LYPD6B: variants seen among roughly 807,000 people sequenced by gnomAD.
The protein encoded by LYPD6B is ly6/PLAUR domain-containing protein 6B.
LYPD6B carries 17 observed loss-of-function variants against 22.8 expected under a neutral mutation model. The ratio of observed to expected loss-of-function variants is 0.75; its 90% confidence interval spans 0.51 to 1.12. The LOEUF is 1.12. Ranked by LOEUF, LYPD6B falls within the 50% of genes most tolerant of loss-of-function variation. The pLI, the probability that LYPD6B is intolerant of heterozygous loss-of-function variation, is 0.00. For missense variants in LYPD6B, 221 were observed against 258.3 expected (o/e 0.86, Z 0.99); for synonymous variants, 106 against 91.6 (o/e 1.16, Z -0.90).
chr2:149,181,917 G>A (rs545887554), intron 3 of LYPD6B, among the ~76,000 whole-genome samples: 16 of 152,160 alleles, frequency 1.1e-4, no homozygotes, highest in Non-Finnish European at 2.1e-4. Flanking sequence ...GGAAAAGGCA[G>A]CATGGTATGG....
chr2:149,196,609 G>C (rs1007054815), intron 3 of LYPD6B, among the ~76,000 whole-genome samples: 1 of 152,158 alleles, frequency 6.6e-6, no homozygotes, highest in Non-Finnish European at 1.5e-5. Flanking sequence ...GAAGGCAGTT[G>C]AGATTATAGG....
At chr2:149,177,227 A>G (rs1386584031) in intron 3 of LYPD6B, among the ~76,000 whole-genome samples, 3 of 152,198 alleles carry the variant, frequency 2.0e-5, no homozygotes, top group Non-Finnish European at 4.4e-5. Context: ...GAGAGCCTGG[A>G]ACATCCCAAT....
intron 1 of LYPD6B, among the ~76,000 whole-genome samples, chr2:149,090,880 C>T (rs769446211): frequency 3.9e-5 from 6 of 152,118 alleles, no homozygotes; most frequent in Non-Finnish European, 7.4e-5. Context: ...CAATGTTGTT[C>T]GTTAAGCATA....
intron 2 of LYPD6B, among the ~76,000 whole-genome samples, chr2:149,138,208 A>G (rs896770800): frequency 6.6e-6 from 1 of 152,144 alleles, no homozygotes; most frequent in African/African-American, 2.4e-5. Flanking sequence ...GACTCTTGTC[A>G]TTGGTAAATA....
intron 3 of LYPD6B, among the ~76,000 whole-genome samples, chr2:149,181,974 A>T (rs1476838833): frequency 2.6e-5 from 4 of 152,140 alleles, no homozygotes; most frequent in Non-Finnish European, 5.9e-5. Context: ...TGCCGTCTGG[A>T]ATTCTGCCGT....
At chr2:149,112,446 A>C (rs1686804309) in intron 1 of LYPD6B, among the ~76,000 whole-genome samples, 1 of 152,218 alleles carries the variant, frequency 6.6e-6, no homozygotes, top group African/African-American at 2.4e-5. Context: ...TTAAACAAAC[A>C]AAAAGCTATG....
chr2:149,142,752 T>C lies in LYPD6B; in HGVS notation c.5+11799T>C, dbSNP rs771359184. On this transcript the variant is annotated intron_variant, in intron 2 of 6. Coordinates refer to ENST00000409642, the MANE Select transcript of LYPD6B (RefSeq NM_177964.5). ...CTCCTGGTCTCAAGTGATCCTTCCA[T>C]CTTAGCCCCGTGAGCAGCTGGGACT... Among the ~76,000 whole-genome samples the C allele has an allele frequency of 2.7e-3, 405 of 152,236 alleles. 1 individual carries two copies. The highest frequency in any genetic ancestry group is 3.5e-3 in the Non-Finnish European group (239 of 68,008).
intron 3 of LYPD6B, among the ~76,000 whole-genome samples, chr2:149,203,902 TAA>T (rs1693332058): frequency 1.3e-5 from 2 of 152,156 alleles, no homozygotes; most frequent in South Asian, 4.1e-4. Flanking sequence ...ATACCCACAA[TAA>T]GAGAGGGAAG....
chr2:149,156,744 A>G lies in LYPD6B; in HGVS notation c.6-4020A>G, dbSNP rs573039833. On this transcript the variant is annotated intron_variant, in intron 2 of 6. Coordinates refer to ENST00000409642, the MANE Select transcript of LYPD6B (RefSeq NM_177964.5). ...CTCCAGATACATCACATTCTGAGGT[A>G]CTAGGGATTAGGACCTCAACATATG... is the stretch of plus-strand genomic sequence containing the variant. 3.9e-5 allele frequency among the ~76,000 whole-genome samples: 6 copies of G among 152,316 alleles called. No homozygotes were observed. The Middle Eastern group carries it at 0.017, about 432-fold the overall frequency.
intron 1 of LYPD6B, among the ~76,000 whole-genome samples, chr2:149,111,346 G>A (rs1352370176): frequency 6.6e-6 from 1 of 152,206 alleles, no homozygotes; most frequent in Non-Finnish European, 1.5e-5. Context: ...GGGAGACCAA[G>A]TTGGAAGTTA....
chr2:149,118,789 G>T (rs1687135627), intron 1 of LYPD6B, among the ~76,000 whole-genome samples: 1 of 152,114 alleles, frequency 6.6e-6, no homozygotes, highest in African/African-American at 2.4e-5. Flanking sequence ...GTGAATGGTT[G>T]GGCTGAAATT....
At chr2:149,191,153 A>C (rs1198229666) in intron 3 of LYPD6B, among the ~76,000 whole-genome samples, 1 of 152,188 alleles carries the variant, frequency 6.6e-6, no homozygotes, top group Non-Finnish European at 1.5e-5. Context: ...ACTCATTTTG[A>C]GAATGCTTAG....
intron 1 of LYPD6B, among the ~76,000 whole-genome samples, chr2:149,120,383 A>ATATTTTTTT (rs1327065975): frequency 4.1e-5 from 2 of 48,618 alleles, no homozygotes; most frequent in Admixed American, 7.3e-4. Flanking sequence ...ATATATATAT[A>ATATTTTTTT]TTTTTTTTTT....
chr2:149,083,725 G>GC (rs990292308), intron 1 of LYPD6B, among the ~76,000 whole-genome samples: 5 of 152,110 alleles, frequency 3.3e-5, no homozygotes, highest in Non-Finnish European at 7.3e-5. Flanking sequence ...GGCACGATGT[G>GC]CTGCTGTCTC....
chr2:149,169,687 T>A (rs72859023), intron 3 of LYPD6B, among the ~76,000 whole-genome samples: 37,962 of 152,116 alleles, frequency 0.25, 5,213 homozygotes, highest in Non-Finnish European at 0.31. Context: ...AGAGGCCAGA[T>A]GGATAGTTCT....
At position 149,188,066 on chromosome 2, in the gene LYPD6B, T is replaced by C. The variant is rs1692237948; in HGVS notation, c.78-17187T>C. Among the ~76,000 whole-genome samples, 3 of 152,222 alleles carry C rather than the reference T, an allele frequency of 2.0e-5. No individual in the cohort carries two copies. The South Asian group carries it at 6.2e-4, about 32-fold the overall frequency. ...TTCCATTTTCTTCCCTAAGATTCAA[T>C]GACTAGGGAAGCATTTTTGTAAAAT... On this transcript the variant is annotated intron_variant, in intron 3 of 6. Transcript: ENST00000409642.
chr2:149,121,528 G>C (rs2105608900), intron 1 of LYPD6B, among the ~76,000 whole-genome samples: 1 of 152,288 alleles, frequency 6.6e-6, no homozygotes, highest in South Asian at 2.1e-4. Context: ...GTCATGAAGG[G>C]CTATAGTCAC....
At chr2:149,131,243 C>A (rs754997266) in intron 2 of LYPD6B, 4 of 378,156 alleles carry the variant, frequency 1.1e-5, no homozygotes, top group Admixed American at 4.5e-5. Flanking sequence ...GGATTCATTT[C>A]ATCTTGTATG....
intron 1 of LYPD6B, among the ~76,000 whole-genome samples, chr2:149,093,558 T>G (rs1384290508): frequency 1.3e-5 from 2 of 152,218 alleles, no homozygotes; most frequent in Non-Finnish European, 2.9e-5. Context: ...AACATCAAAT[T>G]CAGGAATTTT....
Sources: allele counts gnomAD v4.1 joint callset (sites outside exome capture counted in the v4.1 genomes callset), GRCh38; gene constraint gnomAD v4.1.1; transcripts MANE v1.5; gene names NCBI Gene and HGNC (gene_info 2026-07-23, HGNC 2026-07-21).